Variants in TIAM2 observed in about 807,000 individuals in gnomAD.
The protein encoded by TIAM2 is TIAM Rac1 associated GEF 2, also known as rho guanine nucleotide exchange factor TIAM2.
Under a neutral mutation model 152.9 loss-of-function variants are expected in TIAM2, and 80 were observed. The ratio of observed to expected loss-of-function variants is 0.52; its 90% CI spans 0.44 to 0.63. TIAM2 has a LOEUF of 0.63. Ranked by LOEUF, TIAM2 falls within the 30% of genes least tolerant of loss-of-function variation. The pLI, the probability that TIAM2 is intolerant of heterozygous loss-of-function variation, is 0.00. For missense variants in TIAM2, 1,965 were observed against 2,120.1 expected, an observed-to-expected ratio of 0.93 and a Z score of 1.44; for synonymous variants, 804 against 838.0, an observed-to-expected ratio of 0.96 and a Z score of 0.70.
intron 15 of TIAM2, among the ~76,000 whole-genome samples, chr6:155,229,389 G>A (rs1782369743): frequency 6.6e-6 from 1 of 152,052 alleles, no homozygotes; most frequent in Admixed American, 6.5e-5. Flanking sequence ...AACTTTCATT[G>A]AGCCCTGGCC....
chr6:155,074,243 T>C (rs919879962), intron 1 of TIAM2, among the ~76,000 whole-genome samples: 5 of 152,258 alleles, frequency 3.3e-5, no homozygotes, highest in African/African-American at 1.2e-4. Context: ...AGTTAACTTC[T>C]AAAGTTTTCC....
rs557679251 is a variant in TIAM2 at position 154,999,076 on chromosome 6, C to T, written c.-209+3584C>T. 5.3e-5 allele frequency among the ~76,000 whole-genome samples: 8 copies of T among 152,022 alleles called. No individual in the cohort carries two copies. The South Asian group carries it at 1.7e-3, about 32-fold the overall frequency. ...AATTGATAAGAAATGATGCAAAGTC[C>T]ATTTGGAGTGGAATTTGGCCCATGT... On this transcript the variant is annotated intron_variant, in intron 1 of 26. Transcript: ENST00000682666.
chr6:155,237,723 G>A (rs1782839654), intron 15 of TIAM2, among the ~76,000 whole-genome samples: 1 of 152,264 alleles, frequency 6.6e-6, no homozygotes, highest in Non-Finnish European at 1.5e-5. Flanking sequence ...CATGGCTCAA[G>A]CTCTGTGTTG....
chr6:155,184,960 A>G (rs1042959788), intron 14 of TIAM2, among the ~76,000 whole-genome samples: 1 of 151,982 alleles, frequency 6.6e-6, no homozygotes, highest in Non-Finnish European at 1.5e-5. Flanking sequence ...TAATACATAC[A>G]TGTGTCCATT....
rs370090099 is a variant in TIAM2 at position 155,254,549 on chromosome 6, C to G, written c.4444C>G (p.Arg1482Gly). Residue 1482 changes from arginine (R) to glycine (G), a missense_variant, in exon 26 of 27, where the codon CGA becomes GGA. Physicochemically the swap from Arg to Gly is moderately radical, Grantham distance 125. This residue lies in a region of TIAM2 where 935 missense variants were observed against 980.0 expected (regional missense o/e 0.95). Coordinates refer to ENST00000682666, the MANE Select transcript of TIAM2 (RefSeq NM_012454.4). ...GGATCGCCTGGTACCTCTTAAGAAC[C>G]GAGTTCCTGTTTCGGCCAAATTAGG... Reference protein sequence around the residue: ...CKDRLVPLKNRVPVSAKLASS... With the variant: ...CKDRLVPLKNGVPVSAKLASS... The G allele has an allele frequency of 2.6e-5, 42 of 1,612,422 alleles. No individual in the cohort carries two copies. Among genetic ancestry groups the G allele is most frequent in the Non-Finnish European group, 3.2e-5 (38 of 1,178,678 alleles).
In TIAM2 at chr6:155,176,977, G is replaced by A; in HGVS notation, c.2523G>A (p.Lys841=). 4 of 1,602,484 alleles carry A rather than the reference G, an allele frequency of 2.5e-6. No homozygotes were observed. The highest frequency in any genetic ancestry group is 3.4e-6 in the Non-Finnish European group (4 of 1,175,342). ...RVEDILTLAC[K]MRQLEPSHYG... ...AAGATATTTTGACTTTGGCATGCAA[G>A]GTAACGGATTTTGCTGCAGAAATAT... is the stretch of plus-strand genomic sequence containing the variant. The change falls in exon 10 of 27, where the codon AAG becomes AAA. Residue 841 remains lysine (K), a splice_region_variant and synonymous_variant. Transcript: ENST00000682666.
chr6:155,240,888 A>T (rs1782999635), intron 16 of TIAM2, among the ~76,000 whole-genome samples, 179 bp downstream of exon 16: 1 of 152,184 alleles, frequency 6.6e-6, no homozygotes, highest in Non-Finnish European at 1.5e-5. Context: ...AGGGTGGAAG[A>T]GCTGAGGAGA....
At chr6:155,085,264 G>A (rs1372968333) in intron 1 of TIAM2, among the ~76,000 whole-genome samples, 1 of 152,162 alleles carries the variant, frequency 6.6e-6, no homozygotes, top group African/African-American at 2.4e-5. Flanking sequence ...TGGCTACAAA[G>A]AAGATACAAT....
At chr6:155,028,403 T>TATAC (rs1462320719) in intron 1 of TIAM2, among the ~76,000 whole-genome samples, 1 of 137,032 alleles carries the variant, frequency 7.3e-6, no homozygotes, top group Non-Finnish European at 1.5e-5. Context: ...TACATATATA[T>TATAC]ACTGTGTTAC....
chr6:155,253,040 G>A lies in TIAM2; in HGVS notation c.4212G>A (p.Leu1404=). 6.2e-7 allele frequency: 1 copy of A among 1,613,964 alleles called. No homozygotes were observed. Among genetic ancestry groups the A allele is most frequent in the Non-Finnish European group, 8.5e-7 (1 of 1,179,898 alleles). ...LIPISALQVR[L]GNPAGTENNS... Reference sequence around the variant, plus strand: ...CCATCTCCGCGCTTCAAGTCAGACTGGGGAATCCAGCAGGTAACTGTTTCG... The same window carrying A: ...CCATCTCCGCGCTTCAAGTCAGACTAGGGAATCCAGCAGGTAACTGTTTCG... The change falls in exon 24 of 27, where the codon CTG becomes CTA. Residue 1404 remains leucine (L), a synonymous_variant. Transcript: ENST00000682666.
chr6:155,239,547 C>CGG (rs1782928649), intron 15 of TIAM2, among the ~76,000 whole-genome samples: 1 of 152,244 alleles, frequency 6.6e-6, no homozygotes, highest in South Asian at 2.1e-4. Context: ...GTGAGGCTTT[C>CGG]CAGCCAAAGT....
Position 155,252,960 on chromosome 6 carries a change from C to T in TIAM2, c.4132C>T (p.Arg1378Trp), listed in dbSNP as rs114979735. The T allele has an allele frequency of 4.1e-4, 661 of 1,614,120 alleles. 7 individuals are homozygous for T. The East Asian group carries it at 9.7e-3, about 24-fold the overall frequency. ...KLKKKLPSNSRPAHNSTDLDP... is the reference protein window; with the variant it reads ...KLKKKLPSNSWPAHNSTDLDP... ...CTTCATGTTACAGCCCTCGAATTCC[C>T]GGCCTGCACACAACTCTACTGACTT... is the stretch of plus-strand genomic sequence containing the variant. The change falls in exon 24 of 27, where the codon CGG becomes TGG. Residue 1378 changes from arginine to tryptophan, a missense_variant. By Grantham distance (101) the Arg-to-Trp change is moderately radical. Coordinates refer to ENST00000682666, the MANE Select transcript of TIAM2 (RefSeq NM_012454.4).
At position 155,207,756 on chromosome 6, in the gene TIAM2, G is replaced by A. The variant is rs147447406; in HGVS notation, c.3065-3448G>A. On this transcript the variant is annotated intron_variant, in intron 14 of 26. Coordinates refer to ENST00000682666, the MANE Select transcript of TIAM2 (RefSeq NM_012454.4). Reference sequence around the variant, plus strand: ...GCAGGGTTCTGACAGGAAGGGGTCAGTATTCTCTTACCAGGTACACGTTGC... The same window carrying A: ...GCAGGGTTCTGACAGGAAGGGGTCAATATTCTCTTACCAGGTACACGTTGC... Among the ~76,000 whole-genome samples, 8 of 152,316 alleles carry A rather than the reference G, an allele frequency of 5.3e-5. No individual in the cohort carries two copies. In the East Asian group the frequency reaches 1.5e-3, roughly 29 times the overall value.
rs188059178 is a variant in TIAM2, at chr6:155,251,326, G to T, written c.4060+305G>T. On this transcript the variant is annotated intron_variant, in intron 22 of 26. Transcript: ENST00000682666. Reference sequence around the variant, plus strand: ...TCTGAGACGAGGTTTTGCTCTTGTTGCCCAGGCTGGAGTGCAATGGTGTGA... The same window carrying T: ...TCTGAGACGAGGTTTTGCTCTTGTTTCCCAGGCTGGAGTGCAATGGTGTGA... Among the ~76,000 whole-genome samples, 174 of 152,228 alleles carry T rather than the reference G, an allele frequency of 1.1e-3. 1 individual carries two copies. The highest frequency in any genetic ancestry group is 3.9e-3 in the African/African-American group (163 of 41,538).
At chr6:155,074,641 C>T (rs370761653) in intron 1 of TIAM2, among the ~76,000 whole-genome samples, 2 of 152,152 alleles carry the variant, frequency 1.3e-5, no homozygotes, top group South Asian at 4.1e-4. Flanking sequence ...AGCCACCCCA[C>T]TTAGCCTGTA....
intron 1 of TIAM2, among the ~76,000 whole-genome samples, chr6:155,009,304 G>A (rs1175718531): frequency 6.6e-6 from 1 of 151,672 alleles, no homozygotes; most frequent in African/African-American, 2.4e-5. Context: ...GCTTCACCAT[G>A]TTGCCCAGTC....
chr6:155,028,764 CTG>C (rs1363893625), intron 1 of TIAM2, among the ~76,000 whole-genome samples: 1 of 125,560 alleles, frequency 8.0e-6, no homozygotes, highest in Non-Finnish European at 1.5e-5. Context: ...AATATATATA[CTG>C]TGTTATATAC....
At chr6:155,103,450 G>A (rs947941730) in intron 2 of TIAM2, among the ~76,000 whole-genome samples, 2 of 151,766 alleles carry the variant, frequency 1.3e-5, no homozygotes, top group Non-Finnish European at 1.5e-5. Flanking sequence ...GTGGCCGGGC[G>A]CGGTAGCTCA....
chr6:155,044,500 T>C (rs1180081851), intron 1 of TIAM2, among the ~76,000 whole-genome samples: 2 of 150,656 alleles, frequency 1.3e-5, no homozygotes, highest in African/African-American at 2.5e-5. Context: ...CTTCCTATTA[T>C]TGTCTTAGTT....
Sources: gnomAD v4.1 joint callset for allele counts (sites outside exome capture counted in the v4.1 genomes callset) on GRCh38, gnomAD v4.1.1 for gene constraint, gnomAD v4.1.1 regional missense constraint, MANE v1.5 for transcripts, NCBI Gene and HGNC (gene_info 2026-07-23, HGNC 2026-07-21) for gene names.